The following BNC2 variants were observed in gnomAD, a reference collection of about 807,000 sequenced individuals.
BNC2 encodes zinc finger protein basonuclin-2.
In BNC2, 20 loss-of-function variants were observed where a neutral mutation model predicts 76.3. The ratio of observed to expected loss-of-function variants is 0.26; its 90% CI spans 0.18 to 0.38. The LOEUF (loss-of-function observed/expected upper bound fraction) is 0.38, where lower values mean the gene tolerates loss of function less well. BNC2 is among the 10% of genes least tolerant of loss of function. BNC2 has a pLI of 1.00. For missense variants in BNC2, 1,382 were observed against 1,399.8 expected (o/e 0.99, Z 0.20); for synonymous variants, 582 against 514.8 (o/e 1.13, Z -1.77).
chr9:16,725,734 G>A (rs1042886264), intron 3 of BNC2, among the ~76,000 whole-genome samples: 2 of 151,864 alleles, frequency 1.3e-5, no homozygotes, highest in African/African-American at 4.8e-5. Flanking sequence ...TCAGACAGCT[G>A]GATCAAAGAC....
intron 1 of BNC2, among the ~76,000 whole-genome samples, chr9:16,825,079 G>C (rs374701203): frequency 9.7e-4 from 146 of 150,618 alleles, no homozygotes; most frequent in African/African-American, 3.5e-3. Flanking sequence ...AGAGGTGCCT[G>C]CCAAAGATAC....
intron 3 of BNC2, among the ~76,000 whole-genome samples, chr9:16,650,222 A>T (rs1035392351): frequency 6.6e-6 from 1 of 152,224 alleles, no homozygotes; most frequent in Non-Finnish European, 1.5e-5. Context: ...AGGTATTCTT[A>T]AACGGAATTT....
Position 16,436,966 on chromosome 9 carries a change from G to C in BNC2, c.1228C>G (p.Pro410Ala). 2 of 1,614,074 alleles carry C rather than the reference G, an allele frequency of 1.2e-6. No homozygotes were observed. Among genetic ancestry groups the C allele is most frequent in the South Asian group, 1.1e-5 (1 of 91,072 alleles). ...ACVSPIQNSAPVSDLTKTEHP... is the reference protein window; with the variant it reads ...ACVSPIQNSAAVSDLTKTEHP... ...TCAGTTTTGGTTAGATCACTGACTG[G>C]GGCAGAATTCTGAATGGGAGAGACA... The change falls in exon 6 of 7, where the codon CCA becomes GCA. Residue 410 changes from proline (P) to alanine (A), a missense_variant. By Grantham distance (27) the Pro-to-Ala change is conservative. This residue lies in a region of BNC2 where 557 missense variants were observed against 540.9 expected (regional missense o/e 1.03). Coordinates refer to ENST00000380672, the MANE Select transcript of BNC2 (RefSeq NM_017637.6).
At chr9:16,468,038 C>CTTTTTTTTTTTTTTTTTT (rs1414982362) in intron 5 of BNC2, among the ~76,000 whole-genome samples, 3 of 146,180 alleles carry the variant, frequency 2.1e-5, no homozygotes, top group African/African-American at 7.8e-5. Context: ...TTCTTTCTTT[C>CTTTTTTTTTTTTTTTTTT]TCTTTTTTTT....
rs144511624 is a variant in BNC2 at position 16,526,467 on chromosome 9, C to CTT, written c.669+26061_669+26062dup. On this transcript the variant is annotated intron_variant, in intron 5 of 6. Transcript: ENST00000380672. ...GATTACTTCCCAACATAGTTTAATGCTTTTTTTTTTTTTTTTTTTTTTTTT... is the reference window on the plus strand; with the variant it reads ...GATTACTTCCCAACATAGTTTAATGCTTTTTTTTTTTTTTTTTTTTTTTTTTT... 3.3e-3 allele frequency among the ~76,000 whole-genome samples: 159 copies of CTT among 48,818 alleles called. 13 individuals carry two copies. The highest frequency in any genetic ancestry group is 4.3e-3 in the South Asian group (4 of 930). 32.0% of individuals were successfully genotyped at this position (48,818 alleles called of 152,430 possible).
In BNC2 at chr9:16,418,686, G is replaced by GTGTT. The variant is rs1554629008; in HGVS notation, c.*302_*303insAACA. On this transcript the variant is annotated 3_prime_UTR_variant, in exon 7 of 7. Transcript: ENST00000380672. ...ACACTGTGTGTGTGTGTGTGTGTGTGTGTGTATGTGCATGTGTGTGTGTGT... is the reference window on the plus strand; with the variant it reads ...ACACTGTGTGTGTGTGTGTGTGTGTGTGTTTGTGTATGTGCATGTGTGTGTGTGT... 1 of 330,384 alleles carries GTGTT rather than the reference G, an allele frequency of 3.0e-6. No homozygotes were observed. Among genetic ancestry groups the GTGTT allele is most frequent in the Non-Finnish European group, 5.6e-6 (1 of 178,742 alleles). The allele number at this position is 330,384 out of a possible 1,614,324, so 20.5% of individuals were successfully genotyped here.
intron 1 of BNC2, among the ~76,000 whole-genome samples, chr9:16,750,191 A>T (rs9987410): frequency 0.94 from 142,613 of 152,250 alleles, 66,878 homozygotes; most frequent in East Asian, 0.99. Flanking sequence ...GAAAAGAAGC[A>T]AAAGATAATT....
rs33931163 is a variant in BNC2 at position 16,748,840 on chromosome 9, C to CAA, written c.4-10357_4-10356dup. Among the ~76,000 whole-genome samples, 125 of 57,234 alleles carry CAA rather than the reference C, an allele frequency of 2.2e-3. 3 individuals are homozygous for CAA. Among genetic ancestry groups the CAA allele is most frequent in the African/African-American group, 5.4e-3 (76 of 14,178 alleles). The allele number at this position is 57,234 out of a possible 152,430, so 37.5% of individuals were successfully genotyped here. ...CCTGGGCAACAGAGCGAAACCGTCTCAAAAAAAAAAAAAAAAAAAAAAAAG... is the reference window on the plus strand; with the variant it reads ...CCTGGGCAACAGAGCGAAACCGTCTCAAAAAAAAAAAAAAAAAAAAAAAAAAG... On this transcript the variant is annotated intron_variant, in intron 1 of 6. Coordinates refer to ENST00000380672, the MANE Select transcript of BNC2 (RefSeq NM_017637.6).
At chr9:16,469,871 T>C (rs901694429) in intron 5 of BNC2, among the ~76,000 whole-genome samples, 1 of 152,170 alleles carries the variant, frequency 6.6e-6, no homozygotes, top group Non-Finnish European at 1.5e-5. Flanking sequence ...ACTGGCAGCA[T>C]TTTGCCCCTG....
chr9:16,837,146 A>T (rs377189608), intron 1 of BNC2, among the ~76,000 whole-genome samples: 2 of 152,232 alleles, frequency 1.3e-5, no homozygotes, highest in South Asian at 4.1e-4. Flanking sequence ...TTGAACCCAA[A>T]AAATGGACCC....
intron 5 of BNC2, among the ~76,000 whole-genome samples, chr9:16,506,290 G>A (rs997232294): frequency 6.6e-6 from 1 of 152,058 alleles, no homozygotes; most frequent in East Asian, 1.9e-4. Context: ...CTCTGGATGA[G>A]ACCTCAAAAG....
intron 4 of BNC2, 91 bp from the exon 5 acceptor site, chr9:16,552,856 C>T (rs1818708686): frequency 1.9e-6 from 2 of 1,033,764 alleles, no homozygotes; most frequent in Non-Finnish European, 1.5e-6. Flanking sequence ...CTGGAAGTTA[C>T]CAGGGCTCCA....
chr9:16,521,803 G>A (rs1458656831), intron 5 of BNC2, among the ~76,000 whole-genome samples: 1 of 152,162 alleles, frequency 6.6e-6, no homozygotes, highest in African/African-American at 2.4e-5. Flanking sequence ...AGAGGGGGGT[G>A]TAACATTTTT....
intron 4 of BNC2, chr9:16,575,137 A>T: frequency 5.5e-6 from 2 of 366,580 alleles, no homozygotes; most frequent in Non-Finnish European, 3.8e-6. Context: ...CATTTCACAG[A>T]TGACAGAACA....
intron 1 of BNC2, among the ~76,000 whole-genome samples, chr9:16,804,707 T>C (rs1817862676): frequency 6.6e-6 from 1 of 152,166 alleles, no homozygotes; most frequent in South Asian, 2.1e-4. Context: ...AAATGGTGCA[T>C]TTATTTCACA....
At chr9:16,449,082 T>A (rs6475055) in intron 5 of BNC2, among the ~76,000 whole-genome samples, 1 of 152,058 alleles carries the variant, frequency 6.6e-6, no homozygotes, top group African/African-American at 2.4e-5. Flanking sequence ...AATCAATATA[T>A]GTTACTATAA....
At chr9:16,590,814 C>A (rs898861208) in intron 3 of BNC2, among the ~76,000 whole-genome samples, 22 of 152,042 alleles carry the variant, frequency 1.4e-4, no homozygotes, top group African/African-American at 4.6e-4. Flanking sequence ...ATCTCACACA[C>A]ACACACAAAA....
rs555329314 is a variant in BNC2 at position 16,692,644 on chromosome 9, G to C, written c.330+35153C>G. 3.6e-3 allele frequency among the ~76,000 whole-genome samples: 544 copies of C among 152,218 alleles called. 4 individuals are homozygous for C. Among genetic ancestry groups the C allele is most frequent in the African/African-American group, 0.013 (531 of 41,516 alleles). On this transcript the variant is annotated intron_variant, in intron 3 of 6. Coordinates refer to ENST00000380672, the MANE Select transcript of BNC2 (RefSeq NM_017637.6). ...AGACCACGATGGAAGCCGCATAGGG[G>C]AAAGGAAAGCAAGCCACAAGGGTCA...
intron 1 of BNC2, among the ~76,000 whole-genome samples, chr9:16,799,311 T>TCTTA (rs1563948457): frequency 6.6e-6 from 1 of 152,034 alleles, no homozygotes; most frequent in Admixed American, 6.6e-5. Flanking sequence ...TTACTTTCTA[T>TCTTA]TTTATTTATT....
Sources: allele counts gnomAD v4.1 joint callset (sites outside exome capture counted in the v4.1 genomes callset), GRCh38; gene constraint gnomAD v4.1.1; regional missense constraint gnomAD v4.1.1; transcripts MANE v1.5; gene names NCBI Gene and HGNC (gene_info 2026-07-23, HGNC 2026-07-21).